The following TRPM3 variants were observed in gnomAD, a reference collection of about 807,000 sequenced individuals.
TRPM3 encodes long transient receptor potential channel 3.
In TRPM3, 77 loss-of-function variants were observed where a neutral mutation model predicts 181.2. The observed-to-expected ratio is 0.42, with a 90% CI of 0.35 to 0.51. TRPM3 has a LOEUF of 0.51. TRPM3 is among the 20% of genes least tolerant of loss of function. TRPM3 has a pLI of 0.01. For missense variants in TRPM3, 1,759 were observed against 2,196.7 expected (o/e 0.80, Z 3.98); for synonymous variants, 745 against 796.4 (o/e 0.94, Z 1.09).
chr9:70,635,718 T>C (rs1432097835), intron 11 of TRPM3, among the ~76,000 whole-genome samples: 1 of 151,992 alleles, frequency 6.6e-6, no homozygotes, highest in East Asian at 1.9e-4. Context: ...CACCTCAGCC[T>C]CCCAAAGTGC....
intron 1 of TRPM3, among the ~76,000 whole-genome samples, chr9:71,240,861 G>T (rs1429653551): frequency 6.6e-6 from 1 of 152,108 alleles, no homozygotes. Context: ...TCTAGGTCAT[G>T]CCAGGGATAA....
intron 1 of TRPM3, among the ~76,000 whole-genome samples, chr9:71,258,917 T>C (rs1324281376): frequency 6.6e-6 from 1 of 152,192 alleles, no homozygotes; most frequent in Non-Finnish European, 1.5e-5. Flanking sequence ...AATTATACTT[T>C]AAGTTCTGGG....
chr9:70,839,211 AT>A (rs1329609583), intron 5 of TRPM3, among the ~76,000 whole-genome samples: 1 of 152,180 alleles, frequency 6.6e-6, no homozygotes, highest in Non-Finnish European at 1.5e-5. Context: ...GAATCTCATC[AT>A]GCCCAATCCA....
intron 1 of TRPM3, among the ~76,000 whole-genome samples, chr9:71,110,498 T>C (rs1394702307): frequency 1.3e-5 from 2 of 152,180 alleles, no homozygotes; most frequent in African/African-American, 2.4e-5. Flanking sequence ...ATGAATTGAG[T>C]ATGGCAGTAG....
At chr9:70,687,917 C>A (rs750972556) in intron 8 of TRPM3, among the ~76,000 whole-genome samples, 2 of 152,184 alleles carry the variant, frequency 1.3e-5, no homozygotes, top group African/African-American at 4.8e-5. Context: ...CAACTCCCTG[C>A]CTTCATAGAA....
chr9:71,256,473 T>C (rs1032924482), intron 1 of TRPM3, among the ~76,000 whole-genome samples: 6 of 151,812 alleles, frequency 4.0e-5, no homozygotes, highest in African/African-American at 1.5e-4. Context: ...AAAAATTTAA[T>C]AAAATGTGAT....
intron 1 of TRPM3, among the ~76,000 whole-genome samples, chr9:71,032,364 G>T (rs1054696893): frequency 3.3e-5 from 5 of 150,220 alleles, no homozygotes; most frequent in Non-Finnish European, 7.4e-5. Flanking sequence ...GGACCCACAG[G>T]TTAAAAAAGT....
At chr9:71,235,063 G>A (rs187638969) in intron 1 of TRPM3, among the ~76,000 whole-genome samples, 3 of 152,236 alleles carry the variant, frequency 2.0e-5, no homozygotes, top group Non-Finnish European at 4.4e-5. Flanking sequence ...CAACCTATGC[G>A]CCAACCATGC....
At chr9:70,761,451 A>G in intron 8 of TRPM3, 150 bp downstream of exon 8, 1 of 968,034 alleles carries the variant, frequency 1.0e-6, no homozygotes, top group South Asian at 1.4e-5. Flanking sequence ...GTTACTTAGG[A>G]GAGGAAGCTA....
At chr9:70,947,373 A>G (rs2096945263) in intron 1 of TRPM3, among the ~76,000 whole-genome samples, 1 of 152,168 alleles carries the variant, frequency 6.6e-6, no homozygotes, top group Non-Finnish European at 1.5e-5. Context: ...CCTGTGCTCT[A>G]TCTCCACTTT....
chr9:70,615,684 G>A, intron 18 of TRPM3, among the ~76,000 whole-genome samples: 1 of 152,216 alleles, frequency 6.6e-6, no homozygotes. Context: ...TGCACCACTA[G>A]CTGGCTGCAA....
chr9:70,831,664 G>A (rs1380786784), intron 5 of TRPM3, among the ~76,000 whole-genome samples: 1 of 151,822 alleles, frequency 6.6e-6, no homozygotes, highest in Non-Finnish European at 1.5e-5. Context: ...AACCTGAGTT[G>A]AGAAAGGCTG....
intron 1 of TRPM3, among the ~76,000 whole-genome samples, chr9:71,167,473 C>G (rs140768274): frequency 1.5e-3 from 228 of 152,258 alleles, no homozygotes; most frequent in African/African-American, 4.4e-3. Context: ...ACATATCACA[C>G]CCTTCTGCAA....
intron 19 of TRPM3, among the ~76,000 whole-genome samples, chr9:70,606,651 GTA>G (rs1554775917): frequency 1.1e-4 from 15 of 140,674 alleles, no homozygotes; most frequent in African/African-American, 2.6e-4. Context: ...GTGTGTGTGT[GTA>G]TATATATATA....
At chr9:70,814,525 G>A (rs919752947) in intron 6 of TRPM3, among the ~76,000 whole-genome samples, 2 of 152,114 alleles carry the variant, frequency 1.3e-5, no homozygotes, top group Non-Finnish European at 2.9e-5. Context: ...TTTTGATTCT[G>A]ATTTCAGCCA....
At chr9:70,755,606 A>G (rs1008703106) in intron 8 of TRPM3, among the ~76,000 whole-genome samples, 1 of 152,086 alleles carries the variant, frequency 6.6e-6, no homozygotes, top group Admixed American at 6.6e-5. Context: ...ACCTCAGGTG[A>G]TCCGCCTGCC....
chr9:70,807,681 T>G (rs1183789572), intron 6 of TRPM3, among the ~76,000 whole-genome samples: 3 of 152,108 alleles, frequency 2.0e-5, no homozygotes. Flanking sequence ...CTCTATAGGA[T>G]CTCACAATCT....
At chr9:70,795,560 G>A (rs562562967) in intron 6 of TRPM3, among the ~76,000 whole-genome samples, 38 of 152,072 alleles carry the variant, frequency 2.5e-4, no homozygotes, top group Non-Finnish European at 2.9e-4. Flanking sequence ...TTCCCTTCTC[G>A]TGTGTCCAAA....
chr9:71,309,921 C>T (rs1359176192), intron 1 of TRPM3, among the ~76,000 whole-genome samples: 2 of 151,986 alleles, frequency 1.3e-5, no homozygotes, highest in Admixed American at 6.6e-5. Flanking sequence ...TATTCTTCAT[C>T]CCATAAACTG....
Sources: allele counts gnomAD v4.1 joint callset (sites outside exome capture counted in the v4.1 genomes callset), GRCh38; gene constraint gnomAD v4.1.1; transcripts MANE v1.5; gene names NCBI Gene and HGNC (gene_info 2026-07-23, HGNC 2026-07-21).